MAGED1: variants seen among roughly 807,000 people sequenced by gnomAD.
MAGED1 encodes melanoma-associated antigen D1.
In MAGED1, 3 loss-of-function variants were observed where a neutral mutation model predicts 54.1. That is an observed-to-expected ratio of 0.06 (90% CI 0.03 to 0.14). The LOEUF is 0.14. Among genes scored for constraint, MAGED1 ranks in the 10% least tolerant of loss-of-function variants. MAGED1 has a pLI of 1.00. For missense variants in MAGED1, 485 were observed against 623.4 expected (o/e 0.78, Z 2.36); for synonymous variants, 217 against 227.3 (o/e 0.95, Z 0.41).
At chrX:51,882,241 A>G (rs902910060) in intron 1 of MAGED1, among the ~76,000 whole-genome samples, 3 of 112,002 alleles carry the variant, frequency 2.7e-5, no homozygotes, top group Non-Finnish European at 5.6e-5. Context: ...CTCAGAGAAG[A>G]CCACCAAATA....
At chrX:51,865,311 A>G (rs1557361012) in intron 1 of MAGED1, among the ~76,000 whole-genome samples, 1 of 112,023 alleles carries the variant, frequency 8.9e-6, no homozygotes, top group Non-Finnish European at 1.9e-5. Context: ...GTTCACTGAT[A>G]TATCCCAAGT....
chrX:51,817,779 AAGGCCCTAC>A (rs1925486081), intron 1 of MAGED1, among the ~76,000 whole-genome samples: 1 of 112,062 alleles, frequency 8.9e-6, no homozygotes, highest in African/African-American at 3.2e-5. Context: ...CACGTAGTGC[AAGGCCCTAC>A]CACTTTTCAA....
At chrX:51,874,114 G>A (rs1927787226) in intron 1 of MAGED1, among the ~76,000 whole-genome samples, 1 of 111,453 alleles carries the variant, frequency 9.0e-6, no homozygotes, top group South Asian at 3.8e-4. Context: ...AATCACGATG[G>A]TGCTAGATAC....
chrX:51,824,864 G>C (rs1166229447), intron 1 of MAGED1, among the ~76,000 whole-genome samples: 7 of 82,128 alleles, frequency 8.5e-5, no homozygotes, highest in African/African-American at 1.4e-4. Context: ...TCAGAAACCT[G>C]TGTGTGTGTG....
chrX:51,880,179 T>C (rs782471087), intron 1 of MAGED1, among the ~76,000 whole-genome samples: 1 of 112,077 alleles, frequency 8.9e-6, no homozygotes, highest in African/African-American at 3.2e-5. Flanking sequence ...ATAGGAACAG[T>C]AGAATGTTTT....
chrX:51,896,499 G>C lies in MAGED1; in HGVS notation c.844G>C (p.Val282Leu). ...AGTWRSAPVP[V>L]TTQNPPGAPP... The stretch of plus-strand genomic sequence containing the variant: ...GACCTGGAGGTCTGCACCAGTTCCA[G>C]TGACCACTCAGAACCCACCTGGCGC... Residue 282 changes from valine to leucine, a missense_variant, in exon 4 of 13, where the codon GTG becomes CTG. Val to Leu is a conservative substitution (Grantham distance 32). Coordinates refer to ENST00000326587, the MANE Select transcript of MAGED1 (RefSeq NM_006986.4). The C allele has an allele frequency of 8.3e-7, 1 of 1,211,828 alleles. No homozygotes were observed. Among genetic ancestry groups the C allele is most frequent in the Non-Finnish European group, 1.1e-6 (1 of 895,407 alleles).
At chrX:51,888,293 T>C (rs782654994) in intron 1 of MAGED1, among the ~76,000 whole-genome samples, 1 of 111,671 alleles carries the variant, frequency 9.0e-6, no homozygotes, top group African/African-American at 3.3e-5. Flanking sequence ...CCCACAAAAT[T>C]TTTTTAATTA....
intron 1 of MAGED1, among the ~76,000 whole-genome samples, chrX:51,814,297 C>T (rs782499274): frequency 5.4e-5 from 6 of 111,606 alleles, no homozygotes; most frequent in South Asian, 3.8e-4. Context: ...CTACCGCCGC[C>T]GCCGCTGCCG....
At chrX:51,825,353 T>G (rs782495432) in intron 1 of MAGED1, among the ~76,000 whole-genome samples, 1 of 111,604 alleles carries the variant, frequency 9.0e-6, no homozygotes, top group South Asian at 3.8e-4. Flanking sequence ...TACAACAAAT[T>G]TAGTTTAAAG....
intron 1 of MAGED1, among the ~76,000 whole-genome samples, chrX:51,825,821 A>G (rs139264884): frequency 8.9e-6 from 1 of 112,188 alleles, no homozygotes; most frequent in East Asian, 2.8e-4. Flanking sequence ...CAAATCCCCT[A>G]TTGATAGCTT....
rs1448902978 is a variant in MAGED1, at chrX:51,836,738, G to GT, written c.-37+33629dup. Among the ~76,000 whole-genome samples the GT allele has an allele frequency of 4.6e-5, 5 of 109,124 alleles. No individual in the cohort carries two copies. The East Asian group carries it at 8.6e-4, about 19-fold the overall frequency. 94.8% of individuals were successfully genotyped at this position (109,124 alleles called of 115,157 possible). A position where few individuals can be genotyped will look rare whatever the true frequency, so the allele number is the denominator to read the frequency against. ...GGCATGCACCACCTACGCCCGGCTAGTTTTTTTTGTATTTTTAGTAGAGAT... is the reference window on the plus strand; with the variant it reads ...GGCATGCACCACCTACGCCCGGCTAGTTTTTTTTTGTATTTTTAGTAGAGAT... On this transcript the variant is annotated intron_variant, in intron 1 of 12. Coordinates refer to the MAGED1 transcript ENST00000375772.
intron 1 of MAGED1, among the ~76,000 whole-genome samples, chrX:51,860,378 G>A: frequency 1.8e-5 from 2 of 112,074 alleles, no homozygotes; most frequent in Admixed American, 1.9e-4. Flanking sequence ...GGTTAAGGCA[G>A]TGGGAATGAA....
At chrX:51,881,067 C>T (rs1557362438) in intron 1 of MAGED1, among the ~76,000 whole-genome samples, 2 of 111,499 alleles carry the variant, frequency 1.8e-5, no homozygotes, top group East Asian at 2.8e-4. Flanking sequence ...AAGACAAAGG[C>T]ACTGGCAGAT....
chrX:51,877,459 A>G (rs781965671), intron 1 of MAGED1, among the ~76,000 whole-genome samples: 2 of 111,449 alleles, frequency 1.8e-5, no homozygotes, highest in Non-Finnish European at 3.8e-5. Context: ...GCAATTTGGT[A>G]TTATTGAATA....
chrX:51,803,454 T>C (rs1924921269), intron 1 of MAGED1, among the ~76,000 whole-genome samples: 1 of 108,712 alleles, frequency 9.2e-6, no homozygotes, highest in African/African-American at 3.4e-5. Flanking sequence ...TCCTACCTCC[T>C]ACCTCTCACC....
chrX:51,811,488 G>A (rs1363177980), intron 1 of MAGED1, among the ~76,000 whole-genome samples: 1 of 111,795 alleles, frequency 8.9e-6, no homozygotes, highest in Non-Finnish European at 1.9e-5. Context: ...TTTTGGGACC[G>A]TGAGTGTGGG....
At chrX:51,832,520 GT>G (rs782230252) in intron 1 of MAGED1, among the ~76,000 whole-genome samples, 5 of 105,368 alleles carry the variant, frequency 4.7e-5, no homozygotes, top group African/African-American at 1.0e-4. Context: ...CATGAGTTCA[GT>G]TTTTTTTTTA....
upstream of MAGED1, among the ~76,000 whole-genome samples, chrX:51,892,798 C>T (rs982660813): frequency 7.2e-5 from 8 of 111,450 alleles, no homozygotes; most frequent in Admixed American, 7.6e-4. Flanking sequence ...AGACCCAGAC[C>T]CAAATTTTGC....
chrX:51,813,812 G>A (rs1925310343), intron 1 of MAGED1, among the ~76,000 whole-genome samples: 1 of 111,706 alleles, frequency 9.0e-6, no homozygotes, highest in Non-Finnish European at 1.9e-5. Flanking sequence ...CATAAACATT[G>A]AGCCTGCAAG....
Sources: gnomAD v4.1 joint callset for allele counts (sites outside exome capture counted in the v4.1 genomes callset) on GRCh38, gnomAD v4.1.1 for gene constraint, MANE v1.5 for transcripts, NCBI Gene and HGNC (gene_info 2026-07-23, HGNC 2026-07-21) for gene names.